Variants in NOTCH1 observed in about 807,000 individuals in gnomAD.
The protein encoded by NOTCH1 is notch receptor 1, also known as neurogenic locus notch homolog protein 1.
Under a neutral mutation model 254.8 loss-of-function variants are expected in NOTCH1, and 37 were observed. The ratio of observed to expected loss-of-function variants is 0.15; its 90% CI spans 0.11 to 0.19. NOTCH1 has a LOEUF of 0.19. NOTCH1 is among the 10% of genes least tolerant of loss of function. The probability of loss-of-function intolerance (pLI) is 1.00; values close to 1 mark genes in which losing one functional copy is unlikely to be tolerated. For missense variants in NOTCH1, 2,972 were observed against 3,708.6 expected (o/e 0.80, Z 5.16); for synonymous variants, 1,731 against 1,618.1 (o/e 1.07, Z -1.68).
At chr9:136,528,050 C>A (rs1326749389) in intron 2 of NOTCH1, among the ~76,000 whole-genome samples, 1 of 152,056 alleles carries the variant, frequency 6.6e-6, no homozygotes, top group Non-Finnish European at 1.5e-5. Flanking sequence ...TGCTGTTTTC[C>A]TTTCTAAGCT....
Position 136,502,312 on chromosome 9 carries a change from T to G in NOTCH1, c.5344A>C (p.Lys1782Gln), listed in dbSNP as rs1188095516. Residue 1782 changes from lysine (K) to glutamine (Q), a missense_variant, in exon 28 of 34, where the codon AAG becomes CAG. By Grantham distance (53) the Lys-to-Gln change is moderately conservative (BLOSUM62 1). Transcript: ENST00000651671. ...TCCTCGCCGAGGGGCTCCCGCCGCT[T>G]CTTCTTGCTGGCCTCAGACACTTTG... ...GFKVSEASKK[K>Q]RREPLGEDSV... The G allele has an allele frequency of 7.4e-6, 12 of 1,612,458 alleles. No individual in the cohort carries two copies. The highest frequency in any genetic ancestry group is 2.2e-5 in the East Asian group (1 of 44,862).
Position 136,545,395 on chromosome 9 carries a change from C to T in NOTCH1, c.61+331G>A, listed in dbSNP as rs1381436054. 2.0e-5 allele frequency among the ~76,000 whole-genome samples: 3 copies of T among 152,262 alleles called. 1 individual carries two copies. Among genetic ancestry groups the T allele is most frequent in the South Asian group, 4.1e-4 (2 of 4,830 alleles). ...AAATCGAAAAATAGTAGGCAGCCCG[C>T]CCGCCCGGCCGACCGGCGGCAAGCC... On this transcript the variant is annotated intron_variant, in intron 1 of 33. Transcript: ENST00000651671. The surrounding 1 kb of genome is among the most constrained non-coding windows in gnomAD (Gnocchi z 6.8).
Position 136,506,886 on chromosome 9 carries a change from C to T in NOTCH1, c.3731G>A (p.Cys1244Tyr), listed in dbSNP as rs939231983. Reference protein sequence around the residue: ...RSPKCFNNGTCVDQVGGYSCT... With the variant: ...RSPKCFNNGTYVDQVGGYSCT... The stretch of plus-strand genomic sequence containing the variant: ...GCTGTAGCCGCCCACCTGGTCCACG[C>T]AGGTGCCGTTGTTAAAGCACTTGGG... The change falls in exon 23 of 34, where the codon TGC becomes TAC. Residue 1244 changes from cysteine to tyrosine, a missense_variant. Around this residue, in one of 8 missense-constraint regions of NOTCH1, gnomAD observed 1,343 missense variants for 1,557.0 expected, o/e 0.86. Transcript: ENST00000651671. The surrounding 1 kb of genome is among the most constrained non-coding windows in gnomAD (Gnocchi z 4.5). 2 of 1,611,520 alleles carry T rather than the reference C, an allele frequency of 1.2e-6. No homozygotes were observed. Among genetic ancestry groups the T allele is most frequent in the Non-Finnish European group, 1.7e-6 (2 of 1,179,366 alleles).
At chr9:136,537,113 C>G (rs974347931) in intron 2 of NOTCH1, among the ~76,000 whole-genome samples, 1 of 152,236 alleles carries the variant, frequency 6.6e-6, no homozygotes, top group Non-Finnish European at 1.5e-5. Flanking sequence ...CTCTAGGGGG[C>G]TCTGTGGCTG....
At chr9:136,536,488 C>T (rs1445985966) in intron 2 of NOTCH1, among the ~76,000 whole-genome samples, 3 of 152,196 alleles carry the variant, frequency 2.0e-5, no homozygotes, top group Admixed American at 1.3e-4. Context: ...AAGGGAAGGC[C>T]CCGGAGCAGG....
Position 136,514,732 on chromosome 9 carries a change from C to A in NOTCH1, c.2015-30G>T, listed in dbSNP as rs750617454. The A allele has an allele frequency of 1.3e-5, 21 of 1,603,306 alleles. No individual in the cohort carries two copies. In the East Asian group the frequency reaches 4.7e-4, roughly 36 times the overall value. On this transcript the variant is annotated intron_variant, in intron 12 of 33. Coordinates refer to ENST00000651671, the MANE Select transcript of NOTCH1 (RefSeq NM_017617.5). ...GGGCAGGGCGGGTCAGACTCCGAGG[C>A]CCAGCGCCCAGGGGGTCCCACCCAC...
At position 136,516,099 on chromosome 9, in the gene NOTCH1, G is replaced by A. The variant is rs61755999; in HGVS notation, c.1556-5C>T. On this transcript the variant is annotated splice_region_variant and splice_polypyrimidine_tract_variant and intron_variant, in intron 9 of 33. Coordinates refer to ENST00000651671, the MANE Select transcript of NOTCH1 (RefSeq NM_017617.5). ...GGCACAGATGCCCAGTGAAGCCTGGGGCCGGGGAGGGGAGGGGAGGGAGTC... is the reference window on the plus strand; with the variant it reads ...GGCACAGATGCCCAGTGAAGCCTGGAGCCGGGGAGGGGAGGGGAGGGAGTC... 6.2e-7 allele frequency: 1 copy of A among 1,602,118 alleles called. No homozygotes were observed. Among genetic ancestry groups the A allele is most frequent in the Non-Finnish European group, 8.5e-7 (1 of 1,172,892 alleles).
At chr9:136,517,471 C>G in intron 8 of NOTCH1, 86 bp from the exon 9 acceptor site, 1 of 1,013,032 alleles carries the variant, frequency 9.9e-7, no homozygotes, top group East Asian at 2.6e-5. Flanking sequence ...AGAAACGAAC[C>G]CTGCCTCCAG....
At chr9:136,526,988 C>A (rs937188700) in intron 2 of NOTCH1, among the ~76,000 whole-genome samples, 5 of 152,202 alleles carry the variant, frequency 3.3e-5, no homozygotes, top group Non-Finnish European at 5.9e-5. Context: ...ACAGGGAAGG[C>A]CCCTGCCACG....
intron 4 of NOTCH1, chr9:136,522,611 G>A (rs1370148357): frequency 5.7e-6 from 3 of 522,544 alleles, no homozygotes; most frequent in Admixed American, 7.2e-5. Flanking sequence ...TGAGTTCCGG[G>A]AAACTCCAGA....
intron 26 of NOTCH1, among the ~76,000 whole-genome samples, chr9:136,504,021 C>A (rs1843039020): frequency 2.6e-5 from 4 of 152,126 alleles, no homozygotes; most frequent in Admixed American, 2.6e-4. Flanking sequence ...CCCCCACCCC[C>A]ACCAGCTCCT....
intron 2 of NOTCH1, among the ~76,000 whole-genome samples, chr9:136,533,710 G>C (rs547051870): frequency 5.6e-4 from 86 of 152,368 alleles, no homozygotes; most frequent in African/African-American, 2.0e-3. Flanking sequence ...CACCTCCTCA[G>C]GGCCTCAGCC....
At chr9:136,521,237 C>T (rs1843361998) in intron 4 of NOTCH1, among the ~76,000 whole-genome samples, 1 of 152,110 alleles carries the variant, frequency 6.6e-6, no homozygotes, top group African/African-American at 2.4e-5. Context: ...CGGCCAGACT[C>T]CACAGCAGGC....
In NOTCH1 at chr9:136,523,070, G is replaced by C. The variant is rs550988959; in HGVS notation, c.522C>G (p.Thr174=). The C allele has an allele frequency of 6.3e-7, 1 of 1,585,552 alleles. No individual in the cohort carries two copies. The highest frequency in any genetic ancestry group is 8.6e-7 in the Non-Finnish European group (1 of 1,166,556). Residue 174 remains threonine, a synonymous_variant, in exon 4 of 34, where the codon ACC becomes ACG. Coordinates refer to ENST00000651671, the MANE Select transcript of NOTCH1 (RefSeq NM_017617.5). The stretch of plus-strand genomic sequence containing the variant: ...CACACTCGTTGACATCCTGCCGGCA[G>C]GTGGGGCCATGGAAGCTGGGTGGGC... ...CHCPPSFHGP[T]CRQDVNECGQ...
Position 136,513,801 on chromosome 9 carries a change from T to A in NOTCH1, c.2208-264A>T, listed in dbSNP as rs766981012. The stretch of plus-strand genomic sequence containing the variant: ...TGGCGAAACTCCCCCACCCCATATA[T>A]ACTAAAAATACAAAAATTAGCCAGG... On this transcript the variant is annotated intron_variant, in intron 13 of 33. Coordinates refer to ENST00000651671, the MANE Select transcript of NOTCH1 (RefSeq NM_017617.5). This position sits in a 1 kb window ranked among gnomAD's most constrained non-coding sequence, Gnocchi z 4.7. 6.6e-6 allele frequency among the ~76,000 whole-genome samples: 1 copy of A among 152,120 alleles called. No individual in the cohort carries two copies. Among genetic ancestry groups the A allele is most frequent in the Non-Finnish European group, 1.5e-5 (1 of 68,008 alleles).
At chr9:136,518,881 C>T in intron 5 of NOTCH1, 57 bp from the exon 6 acceptor site, 1 of 1,508,962 alleles carries the variant, frequency 6.6e-7, no homozygotes, top group Non-Finnish European at 9.2e-7. Context: ...AGCTCCCTGT[C>T]CCCTAAGACG....
intron 2 of NOTCH1, among the ~76,000 whole-genome samples, chr9:136,533,285 CCGCG>C (rs1843590084): frequency 2.2e-5 from 1 of 45,592 alleles, no homozygotes; most frequent in African/African-American, 1.2e-4. Context: ...CCAGCCCCCT[CCGCG>C]CACCAGCCAG....
At chr9:136,503,618 C>T (rs930398451) in intron 26 of NOTCH1, among the ~76,000 whole-genome samples, 6 of 152,200 alleles carry the variant, frequency 3.9e-5, no homozygotes, top group African/African-American at 9.6e-5. Flanking sequence ...GCCACAGACA[C>T]GTTTCCTCAT....
intron 18 of NOTCH1, among the ~76,000 whole-genome samples, chr9:136,509,445 C>T (rs1240393961): frequency 1.3e-5 from 2 of 152,138 alleles, no homozygotes; most frequent in Non-Finnish European, 2.9e-5. Flanking sequence ...GCAAACACGG[C>T]AAAAAGGAAA....
Sources: allele counts gnomAD v4.1 joint callset (sites outside exome capture counted in the v4.1 genomes callset), GRCh38; gene constraint gnomAD v4.1.1; regional missense constraint gnomAD v4.1.1; non-coding constraint Gnocchi (gnomAD v3.1); transcripts MANE v1.5; gene names NCBI Gene and HGNC (gene_info 2026-07-23, HGNC 2026-07-21).